Variants in KCTD16 observed in about 807,000 individuals in gnomAD.
KCTD16 encodes the protein potassium channel tetramerization domain containing 16, also known as BTB/POZ domain-containing protein KCTD16.
KCTD16 carries 13 observed loss-of-function variants against 33.2 expected under a neutral mutation model. That is an observed-to-expected ratio of 0.39 (90% confidence interval 0.25 to 0.62). KCTD16 has a LOEUF of 0.62. Among genes scored for constraint, KCTD16 ranks in the 20% least tolerant of loss-of-function variants. The pLI, the probability that KCTD16 is intolerant of heterozygous loss-of-function variation, is 0.50. For synonymous variants in KCTD16, 197 were observed against 195.3 expected (o/e 1.01, Z -0.07); for missense variants, 441 against 525.1 (o/e 0.84, Z 1.57).
intron 3 of KCTD16, among the ~76,000 whole-genome samples, chr5:144,450,831 A>C (rs1753924845): frequency 6.6e-6 from 1 of 152,132 alleles, no homozygotes; most frequent in Non-Finnish European, 1.5e-5. Context: ...CAATGGGTAA[A>C]AAATTTCAGT....
At chr5:144,216,250 A>G (rs1753559266) in intron 3 of KCTD16, among the ~76,000 whole-genome samples, 1 of 152,216 alleles carries the variant, frequency 6.6e-6, no homozygotes, top group African/African-American at 2.4e-5. Flanking sequence ...AAATGAAAAC[A>G]AGACATTTTG....
At chr5:144,291,674 G>A (rs1755898976) in intron 3 of KCTD16, among the ~76,000 whole-genome samples, 2 of 152,072 alleles carry the variant, frequency 1.3e-5, no homozygotes, top group Admixed American at 1.3e-4. Context: ...TTCCAATGAG[G>A]TACGCCTAAA....
intron 3 of KCTD16, among the ~76,000 whole-genome samples, chr5:144,400,686 C>T (rs937372041): frequency 6.6e-6 from 1 of 152,100 alleles, no homozygotes; most frequent in Non-Finnish European, 1.5e-5. Flanking sequence ...ATAGATCTTA[C>T]AGTCTGATAG....
intron 3 of KCTD16, among the ~76,000 whole-genome samples, chr5:144,403,237 C>G (rs1178628135): frequency 6.6e-6 from 1 of 152,104 alleles, no homozygotes; most frequent in Non-Finnish European, 1.5e-5. Flanking sequence ...AAAAGATAAG[C>G]TGAAGTCCTA....
chr5:144,391,695 A>G (rs1315261766), intron 3 of KCTD16, among the ~76,000 whole-genome samples: 1 of 152,206 alleles, frequency 6.6e-6, no homozygotes, highest in Non-Finnish European at 1.5e-5. Context: ...CCTACAATGA[A>G]TTTGAAGGAC....
intron 3 of KCTD16, among the ~76,000 whole-genome samples, chr5:144,402,239 C>A (rs1428649616): frequency 6.6e-6 from 1 of 152,312 alleles, no homozygotes; most frequent in South Asian, 2.1e-4. Context: ...ATAGAAGGGG[C>A]TTTTCTGGGC....
Position 144,280,797 on chromosome 5 carries a change from GGA to G in KCTD16, c.832+73253_832+73254del, listed in dbSNP as rs1471744536. Among the ~76,000 whole-genome samples the G allele has an allele frequency of 1.5e-4, 23 of 152,100 alleles. No homozygotes were observed. The East Asian group carries it at 3.7e-3, about 24-fold the overall frequency. ...AAAAAATTAGCTGGGCGTGATGGTGGGAGCCTGTAGTCCCAGCTACTCGGGAG... is the reference window on the plus strand; with the variant it reads ...AAAAAATTAGCTGGGCGTGATGGTGGGCCTGTAGTCCCAGCTACTCGGGAG... On this transcript the variant is annotated intron_variant, in intron 3 of 3. Coordinates refer to ENST00000512467, the MANE Select transcript of KCTD16 (RefSeq NM_020768.4).
intron 3 of KCTD16, among the ~76,000 whole-genome samples, chr5:144,329,010 C>G (rs1409727628): frequency 6.6e-6 from 1 of 152,040 alleles, no homozygotes; most frequent in East Asian, 1.9e-4. Flanking sequence ...CCATCTATAT[C>G]CCAGGCTTGA....
chr5:144,442,359 T>C (rs1753730032), intron 3 of KCTD16, among the ~76,000 whole-genome samples: 1 of 152,136 alleles, frequency 6.6e-6, no homozygotes. Flanking sequence ...GTGTACCAGA[T>C]GCCACAGCCT....
chr5:144,325,020 G>A (rs1752167917), intron 3 of KCTD16, among the ~76,000 whole-genome samples: 1 of 152,148 alleles, frequency 6.6e-6, no homozygotes, highest in Non-Finnish European at 1.5e-5. Flanking sequence ...CAAACCCGTG[G>A]TACACGTTTA....
intron 3 of KCTD16, among the ~76,000 whole-genome samples, chr5:144,298,148 G>A (rs780591273): frequency 9.9e-5 from 15 of 152,074 alleles, no homozygotes; most frequent in African/African-American, 1.9e-4. Flanking sequence ...GTTCTCTTCC[G>A]TGACCCATGG....
chr5:144,309,615 C>T (rs1296753934), intron 3 of KCTD16, among the ~76,000 whole-genome samples: 5 of 152,050 alleles, frequency 3.3e-5, no homozygotes, highest in Non-Finnish European at 7.4e-5. Context: ...GTATTCAATC[C>T]CTTGGAGTTC....
intron 3 of KCTD16, among the ~76,000 whole-genome samples, chr5:144,227,332 A>G (rs1048419843): frequency 6.6e-6 from 1 of 152,182 alleles, no homozygotes; most frequent in Non-Finnish European, 1.5e-5. Flanking sequence ...AAAAGCACAT[A>G]TCAAGGTCCT....
At chr5:144,431,675 G>A (rs1008218075) in intron 3 of KCTD16, among the ~76,000 whole-genome samples, 1 of 152,116 alleles carries the variant, frequency 6.6e-6, no homozygotes, top group Non-Finnish European at 1.5e-5. Flanking sequence ...TCTGATGCAG[G>A]TGGTTCCAGC....
chr5:144,298,052 T>C (rs1756095006), intron 3 of KCTD16, among the ~76,000 whole-genome samples: 1 of 152,208 alleles, frequency 6.6e-6, no homozygotes, highest in South Asian at 2.1e-4. Context: ...CGCTCCCGAT[T>C]GGGCTAAAGG....
chr5:144,398,474 A>G (rs1752628120), intron 3 of KCTD16, among the ~76,000 whole-genome samples: 1 of 152,208 alleles, frequency 6.6e-6, no homozygotes, highest in South Asian at 2.1e-4. Flanking sequence ...GTTAGAGTAC[A>G]GGCAGATTGT....
At chr5:144,333,521 G>A (rs1261418419) in intron 3 of KCTD16, among the ~76,000 whole-genome samples, 1 of 152,074 alleles carries the variant, frequency 6.6e-6, no homozygotes, top group Non-Finnish European at 1.5e-5. Flanking sequence ...TGTTGACTGG[G>A]CTCACTCAGT....
chr5:144,203,495 C>T (rs1011920449), intron 2 of KCTD16, among the ~76,000 whole-genome samples: 2 of 152,130 alleles, frequency 1.3e-5, no homozygotes, highest in Non-Finnish European at 2.9e-5. Context: ...TCGTGTGACC[C>T]TGAGGAAGTG....
intron 3 of KCTD16, among the ~76,000 whole-genome samples, chr5:144,342,720 A>G (rs1324195939): frequency 6.6e-6 from 1 of 152,174 alleles, no homozygotes. Flanking sequence ...TGGGTTTGTC[A>G]TAAATAGCTC....
Sources: gnomAD v4.1 joint callset for allele counts (sites outside exome capture counted in the v4.1 genomes callset) on GRCh38, gnomAD v4.1.1 for gene constraint, MANE v1.5 for transcripts, NCBI Gene and HGNC (gene_info 2026-07-23, HGNC 2026-07-21) for gene names.